FSHR: variants seen among roughly 807,000 people sequenced by gnomAD.
FSHR encodes follicle-stimulating hormone receptor.
FSHR carries 46 observed loss-of-function variants against 52.1 expected under a neutral mutation model. The ratio of observed to expected loss-of-function variants is 0.88; its 90% CI spans 0.70 to 1.13. The LOEUF (loss-of-function observed/expected upper bound fraction) is 1.13, where lower values mean the gene tolerates loss of function less well. FSHR is among the 50% of genes most tolerant of loss of function. The pLI, the probability that FSHR is intolerant of heterozygous loss-of-function variation, is 0.00. For synonymous variants in FSHR, 399 were observed against 309.6 expected, an observed-to-expected ratio of 1.29 and a Z score of -3.03; for missense variants, 964 against 834.6, an observed-to-expected ratio of 1.16 and a Z score of -1.91.
rs1251295279 is a variant in FSHR, at chr2:49,127,833, T to C, written c.152+26433A>G. 8.3e-3 allele frequency among the ~76,000 whole-genome samples: 58 copies of C among 6,950 alleles called. 2 individuals carry two copies. The highest frequency in any genetic ancestry group is 0.039 in the South Asian group (4 of 102). 4.6% of individuals were successfully genotyped at this position (6,950 alleles called of 152,430 possible). A position where few individuals can be genotyped will look rare whatever the true frequency, so the allele number is the denominator to read the frequency against. ...CTTCTTCTTCTTCTTCTTCTTCCTC[T>C]TCTTCTTCTTCTTCTTCTTCTTCTT... On this transcript the variant is annotated intron_variant, in intron 1 of 9. Transcript: ENST00000406846.
intron 1 of FSHR, among the ~76,000 whole-genome samples, chr2:49,074,947 A>C (rs1014027769): frequency 6.6e-6 from 1 of 152,172 alleles, no homozygotes; most frequent in Non-Finnish European, 1.5e-5. Context: ...AGAAAGTTGA[A>C]CACTGTATAT....
intron 8 of FSHR, among the ~76,000 whole-genome samples, chr2:48,976,366 T>G (rs182709556): frequency 6.6e-6 from 1 of 152,340 alleles, no homozygotes; most frequent in Non-Finnish European, 1.5e-5. Flanking sequence ...AGCTTTTTGA[T>G]GTGCTGCTGG....
At chr2:49,025,946 G>T (rs1398046296) in intron 2 of FSHR, among the ~76,000 whole-genome samples, 1 of 152,164 alleles carries the variant, frequency 6.6e-6, no homozygotes, top group Non-Finnish European at 1.5e-5. Context: ...TTTCCCTTTA[G>T]GAGAGGCTCA....
Position 49,054,029 on chromosome 2 carries a change from A to T in FSHR, c.224+14190T>A, listed in dbSNP as rs531922549. Among the ~76,000 whole-genome samples the T allele has an allele frequency of 2.0e-5, 3 of 152,286 alleles. No individual in the cohort carries two copies. In the South Asian group the frequency reaches 6.2e-4, roughly 32 times the overall value. On this transcript the variant is annotated intron_variant, in intron 2 of 9. Coordinates refer to ENST00000406846, the MANE Select transcript of FSHR (RefSeq NM_000145.4). ...GAAAATAAAGATGTGTGAACTCAGCATCTCCCCAGATTAGTCTAGTTCCAT... is the reference window on the plus strand; with the variant it reads ...GAAAATAAAGATGTGTGAACTCAGCTTCTCCCCAGATTAGTCTAGTTCCAT...
chr2:49,059,415 G>GA (rs111343726), intron 2 of FSHR, among the ~76,000 whole-genome samples: 22,105 of 146,666 alleles, frequency 0.15, 2,439 homozygotes, highest in African/African-American at 0.3. Context: ...GGTACTGGGG[G>GA]AAAAAAAAAA....
intron 2 of FSHR, among the ~76,000 whole-genome samples, chr2:49,039,946 C>G (rs998336863): frequency 6.6e-6 from 1 of 150,818 alleles, no homozygotes; most frequent in Non-Finnish European, 1.5e-5. Flanking sequence ...CTATAGCAGG[C>G]ATGTATTACT....
chr2:49,061,826 A>G (rs1236704533), intron 2 of FSHR, among the ~76,000 whole-genome samples: 1 of 133,310 alleles, frequency 7.5e-6, no homozygotes, highest in Non-Finnish European at 1.6e-5. Flanking sequence ...ATATAACTAT[A>G]TATGTTTATA....
chr2:49,014,909 T>G (rs952149989), intron 4 of FSHR: 3 of 470,292 alleles, frequency 6.4e-6, no homozygotes, highest in Non-Finnish European at 1.3e-5. Context: ...ATCCCCATTT[T>G]CCACTTTGGC....
chr2:49,087,676 A>C (rs958480497), intron 1 of FSHR, among the ~76,000 whole-genome samples: 30 of 152,358 alleles, frequency 2.0e-4, no homozygotes, highest in Non-Finnish European at 4.0e-4. Flanking sequence ...AAAATTACAT[A>C]CATATGCATA....
chr2:49,141,232 G>GTACCCA (rs1273352435), intron 1 of FSHR, among the ~76,000 whole-genome samples: 3 of 151,806 alleles, frequency 2.0e-5, no homozygotes, highest in East Asian at 3.9e-4. Flanking sequence ...GTAGTTGCTT[G>GTACCCA]TACCCATCTG....
intron 1 of FSHR, among the ~76,000 whole-genome samples, chr2:49,137,584 T>C (rs941562503): frequency 1.3e-5 from 2 of 151,964 alleles, no homozygotes; most frequent in Non-Finnish European, 2.9e-5. Flanking sequence ...CTTCAAAACT[T>C]AGTAGAAAGA....
intron 4 of FSHR, among the ~76,000 whole-genome samples, chr2:49,007,768 C>T (rs1302587233): frequency 6.6e-6 from 1 of 152,108 alleles, no homozygotes; most frequent in East Asian, 1.9e-4. Flanking sequence ...TGATCATCAT[C>T]AAATCAGAAA....
chr2:49,141,551 G>T (rs1672687635), intron 1 of FSHR, among the ~76,000 whole-genome samples: 1 of 152,134 alleles, frequency 6.6e-6, no homozygotes, highest in African/African-American at 2.4e-5. Flanking sequence ...CCACCCCAAT[G>T]ATCCAAATAC....
intron 2 of FSHR, among the ~76,000 whole-genome samples, chr2:49,053,838 A>G (rs1326827339): frequency 6.6e-6 from 1 of 152,214 alleles, no homozygotes; most frequent in African/African-American, 2.4e-5. Flanking sequence ...GGAGTAAGAA[A>G]TAAACTCATC....
chr2:49,127,850 C>CTTT (rs1672102734), intron 1 of FSHR, among the ~76,000 whole-genome samples: 2 of 28,776 alleles, frequency 7.0e-5, no homozygotes, highest in Non-Finnish European at 1.0e-4. Flanking sequence ...TCTTCTTCTT[C>CTTT]TTCTTCTTCT....
chr2:48,979,443 C>A (rs989299429), intron 8 of FSHR, among the ~76,000 whole-genome samples: 3 of 151,720 alleles, frequency 2.0e-5, no homozygotes, highest in African/African-American at 7.3e-5. Context: ...CACAAAAACA[C>A]CCCCCCAAAA....
chr2:49,145,366 G>T (rs1672833638), intron 1 of FSHR, among the ~76,000 whole-genome samples: 1 of 152,008 alleles, frequency 6.6e-6, no homozygotes, highest in South Asian at 2.1e-4. Flanking sequence ...TCAGGTCTGT[G>T]CCCTTCTTAT....
chr2:49,001,342 G>C (rs1189262764), intron 4 of FSHR, among the ~76,000 whole-genome samples: 1 of 152,060 alleles, frequency 6.6e-6, no homozygotes, highest in Non-Finnish European at 1.5e-5. Flanking sequence ...AGAACAGATG[G>C]AACCTGAACC....
At chr2:48,995,817 C>T (rs1397486490) in intron 4 of FSHR, among the ~76,000 whole-genome samples, 1 of 152,056 alleles carries the variant, frequency 6.6e-6, no homozygotes, top group Non-Finnish European at 1.5e-5. Context: ...CAAGACATCC[C>T]TTTTTATCAC....
Sources: allele counts gnomAD v4.1 joint callset (sites outside exome capture counted in the v4.1 genomes callset), GRCh38; gene constraint gnomAD v4.1.1; transcripts MANE v1.5; gene names NCBI Gene and HGNC (gene_info 2026-07-23, HGNC 2026-07-21).